Variants in EVI5 observed in about 807,000 individuals in gnomAD.
The protein encoded by EVI5 is ecotropic viral integration site 5, also known as ecotropic viral integration site 5 protein homolog.
Under a neutral mutation model 112.0 loss-of-function variants are expected in EVI5, and 73 were observed. That is an observed-to-expected ratio of 0.65 (90% CI 0.54 to 0.79). The LOEUF (loss-of-function observed/expected upper bound fraction) is 0.79, where lower values mean the gene tolerates loss of function less well. Ranked by LOEUF, EVI5 falls within the 30% of genes least tolerant of loss-of-function variation. The probability of loss-of-function intolerance (pLI) is 0.00; values close to 1 mark genes in which losing one functional copy is unlikely to be tolerated. For missense variants in EVI5, 900 were observed against 968.8 expected (o/e 0.93, Z 0.94); for synonymous variants, 305 against 319.9 (o/e 0.95, Z 0.50).
At chr1:92,782,146 C>A (rs1321603487) in intron 1 of EVI5, among the ~76,000 whole-genome samples, 4 of 151,218 alleles carry the variant, frequency 2.6e-5, no homozygotes, top group Non-Finnish European at 5.9e-5. Context: ...ATAGTCCCAG[C>A]TACTCAGTAG....
intron 13 of EVI5, among the ~76,000 whole-genome samples, chr1:92,642,001 T>C (rs1335631505): frequency 8.5e-5 from 13 of 152,140 alleles, no homozygotes; most frequent in East Asian, 5.8e-4. Flanking sequence ...TAGCCAGGCA[T>C]GTACCTGTAG....
chr1:92,703,355 G>T (rs767313893), intron 4 of EVI5, 40 bp downstream of exon 4: 3 of 1,178,784 alleles, frequency 2.5e-6, no homozygotes, highest in Non-Finnish European at 3.6e-6. Context: ...AACCTTCCAG[G>T]AATTCATTTC....
chr1:92,677,352 T>G (rs985469683), intron 9 of EVI5, 134 bp from the exon 10 acceptor site: 1 of 505,068 alleles, frequency 2.0e-6, no homozygotes, highest in Non-Finnish European at 3.4e-6. Context: ...CTTGGAGATA[T>G]TTGATGTGAG....
rs112854006 is a variant in EVI5, at chr1:92,573,122, T to G, written c.2071-9385A>C. ...AATGAATATAGTAATATGAACAACA[T>G]ACCCTAGAAAATATTTAAAACAGTG... is the stretch of plus-strand genomic sequence containing the variant. On this transcript the variant is annotated intron_variant, in intron 18 of 19. Coordinates refer to ENST00000684568, the MANE Select transcript of EVI5 (RefSeq NM_001350197.2). 2.7e-4 allele frequency among the ~76,000 whole-genome samples: 41 copies of G among 152,142 alleles called. 1 individual carries two copies. The highest frequency in any genetic ancestry group is 9.9e-4 in the African/African-American group (41 of 41,532).
At chr1:92,550,032 A>G (rs1666520477) in intron 19 of EVI5, among the ~76,000 whole-genome samples, 1 of 152,194 alleles carries the variant, frequency 6.6e-6, no homozygotes, top group Non-Finnish European at 1.5e-5. Context: ...TCATGCTGCT[A>G]TAAAGACACA....
rs779995726 is a variant in EVI5, at chr1:92,697,995, A to G, written c.640-10T>C. On this transcript the variant is annotated splice_polypyrimidine_tract_variant and intron_variant, in intron 5 of 19. Transcript: ENST00000684568. ...CTTCTTCTTCTGGCATCTACATTGG[A>G]AGAAAAAAAAACAACATAGGTTAAT... 6.2e-7 allele frequency: 1 copy of G among 1,605,494 alleles called. No individual in the cohort carries two copies. The highest frequency in any genetic ancestry group is 1.1e-5 in the South Asian group (1 of 89,532).
At chr1:92,705,673 C>T (rs1465195161) in intron 2 of EVI5, among the ~76,000 whole-genome samples, 1 of 152,192 alleles carries the variant, frequency 6.6e-6, no homozygotes, top group Non-Finnish European at 1.5e-5. Context: ...CAATCCATGA[C>T]TAATCACTAC....
chr1:92,640,082 C>T (rs2101946136), intron 13 of EVI5, among the ~76,000 whole-genome samples: 1 of 152,312 alleles, frequency 6.6e-6, no homozygotes, highest in East Asian at 1.9e-4. Context: ...GAAACCGGAT[C>T]CCTTCCTCAC....
At chr1:92,748,751 G>C (rs991497535) in intron 1 of EVI5, among the ~76,000 whole-genome samples, 4 of 151,900 alleles carry the variant, frequency 2.6e-5, no homozygotes, top group African/African-American at 7.3e-5. Context: ...CTATGAGTAG[G>C]TACAAGTACA....
chr1:92,600,214 A>AAACT (rs2101506726), intron 18 of EVI5, among the ~76,000 whole-genome samples: 1 of 152,358 alleles, frequency 6.6e-6, no homozygotes, highest in Non-Finnish European at 1.5e-5. Context: ...TGGGAAAACT[A>AAACT]AACTGTATAG....
At chr1:92,641,415 T>C (rs1055369476) in intron 13 of EVI5, among the ~76,000 whole-genome samples, 1 of 152,238 alleles carries the variant, frequency 6.6e-6, no homozygotes, top group African/African-American at 2.4e-5. Flanking sequence ...TATTATATAA[T>C]TTACATTAAA....
intron 1 of EVI5, among the ~76,000 whole-genome samples, chr1:92,760,188 A>C (rs1368829213): frequency 6.6e-6 from 1 of 152,192 alleles, no homozygotes; most frequent in East Asian, 1.9e-4. Context: ...TTGTCATGAC[A>C]AGAAAAATAT....
intron 16 of EVI5, among the ~76,000 whole-genome samples, chr1:92,616,438 G>A (rs1653168805): frequency 6.6e-6 from 1 of 152,218 alleles, no homozygotes; most frequent in South Asian, 2.1e-4. Context: ...CATAGCTACT[G>A]TCATGAACAG....
At chr1:92,792,060 T>C (rs1489344959) in intron 1 of EVI5, among the ~76,000 whole-genome samples, 2 of 152,198 alleles carry the variant, frequency 1.3e-5, no homozygotes, top group Non-Finnish European at 2.9e-5. Flanking sequence ...AGGAGAGAAT[T>C]GCGGCAAGTG....
Position 92,735,759 on chromosome 1 carries a change from A to G in EVI5, c.149+639T>C, listed in dbSNP as rs1049178446. ...TAATATAATCATATTAAAATATAAT[A>G]TGATATATGTTATATATAACATATT... On this transcript the variant is annotated intron_variant, in intron 2 of 19. Coordinates refer to ENST00000684568, the MANE Select transcript of EVI5 (RefSeq NM_001350197.2). 2.9e-3 allele frequency among the ~76,000 whole-genome samples: 415 copies of G among 143,722 alleles called. 2 individuals are homozygous for G. Among genetic ancestry groups the G allele is most frequent in the Admixed American group, 7.3e-3 (102 of 14,030 alleles). 94.3% of individuals were successfully genotyped at this position (143,722 alleles called of 152,430 possible). A position where few individuals can be genotyped will look rare whatever the true frequency, so the allele number is the denominator to read the frequency against.
rs146550167 is a variant in EVI5, at chr1:92,529,741, C to T, written c.2167-15771G>A. ...AAAATAAAAACAAACAAGAAACCTG[C>T]TTCTTTCATTTTAAAAGTCTTTTTT... is the stretch of plus-strand genomic sequence containing the variant. On this transcript the variant is annotated intron_variant, in intron 19 of 19. Coordinates refer to ENST00000684568, the MANE Select transcript of EVI5 (RefSeq NM_001350197.2). 2.6e-5 allele frequency among the ~76,000 whole-genome samples: 4 copies of T among 152,146 alleles called. No homozygotes were observed. In the East Asian group the frequency reaches 7.7e-4, roughly 29 times the overall value.
intron 2 of EVI5, among the ~76,000 whole-genome samples, chr1:92,715,789 T>C (rs1314717437): frequency 6.6e-6 from 1 of 152,018 alleles, no homozygotes; most frequent in African/African-American, 2.4e-5. Context: ...TCTTAGCAAA[T>C]GGTACACCAG....
chr1:92,741,079 G>A (rs1310399610), intron 1 of EVI5, among the ~76,000 whole-genome samples: 1 of 152,168 alleles, frequency 6.6e-6, no homozygotes, highest in East Asian at 1.9e-4. Flanking sequence ...ACCAGGTACT[G>A]TTGTAAACAC....
chr1:92,531,923 A>T (rs887964473), intron 19 of EVI5, among the ~76,000 whole-genome samples: 1 of 152,212 alleles, frequency 6.6e-6, no homozygotes, highest in African/African-American at 2.4e-5. Context: ...GGCAGGATCA[A>T]ATTCACACAT....
Sources: gnomAD v4.1 joint callset for allele counts (sites outside exome capture counted in the v4.1 genomes callset) on GRCh38, gnomAD v4.1.1 for gene constraint, MANE v1.5 for transcripts, NCBI Gene and HGNC (gene_info 2026-07-23, HGNC 2026-07-21) for gene names.